The following IGDCC3 variants were observed in gnomAD, a reference collection of about 807,000 sequenced individuals.
The protein encoded by IGDCC3 is putative neuronal cell adhesion molecule.
In IGDCC3, 47 loss-of-function variants were observed where a neutral mutation model predicts 72.0. That is an observed-to-expected ratio of 0.65 (90% confidence interval 0.52 to 0.83). IGDCC3 has a LOEUF of 0.83. IGDCC3 is among the 40% of genes least tolerant of loss of function. The pLI is 0.00. For synonymous variants in IGDCC3, 477 were observed against 472.8 expected, an observed-to-expected ratio of 1.01 and a Z score of -0.11; for missense variants, 1,038 against 1,091.3, an observed-to-expected ratio of 0.95 and a Z score of 0.69.
intron 2 of IGDCC3, among the ~76,000 whole-genome samples, chr15:65,338,764 G>A (rs912873406): frequency 2.0e-5 from 3 of 152,168 alleles, no homozygotes; most frequent in African/African-American, 7.2e-5. Flanking sequence ...TGGATGAGTC[G>A]CTCTTCAGGG....
rs2090956954 is a variant in IGDCC3, at chr15:65,329,537, C to G, written c.2058G>C (p.Gln686His). The G allele has an allele frequency of 6.2e-7, 1 of 1,608,236 alleles. No homozygotes were observed. Among genetic ancestry groups the G allele is most frequent in the Admixed American group, 1.7e-5 (1 of 57,726 alleles). The stretch of plus-strand genomic sequence containing the variant: ...TTAGGGCTAGAATGCCAGGGTCCCT[C>G]TGGCTCCGGGGACCCTGTGGAGGGG... ...QLSPPQGPRS[Q>H]RDPGILALNG... Residue 686 changes from glutamine (Q) to histidine (H), a missense_variant, in exon 13 of 14, where the codon CAG (glutamine) becomes CAC (histidine). Gln to His is a conservative substitution (Grantham distance 24). Transcript: ENST00000327987. The surrounding 1 kb of genome is among the most constrained non-coding windows in gnomAD (Gnocchi z 4.1).
rs1435461721 is a variant in IGDCC3 at position 65,333,239 on chromosome 15, G to A, written c.982+18C>T. ...GCGGAGATCCCTGCCCTCCTCCTCA[G>A]GGTTGGCTGATCCATACCTTGCACC... is the stretch of plus-strand genomic sequence containing the variant. On this transcript the variant is annotated intron_variant, in intron 6 of 13. Transcript: ENST00000327987. The A allele has an allele frequency of 6.3e-7, 1 of 1,587,640 alleles. No homozygotes were observed. Among genetic ancestry groups the A allele is most frequent in the Non-Finnish European group, 8.6e-7 (1 of 1,166,828 alleles).
chr15:65,354,231 T>G (rs1480273764), intron 2 of IGDCC3, among the ~76,000 whole-genome samples: 1 of 152,166 alleles, frequency 6.6e-6, no homozygotes, highest in Non-Finnish European at 1.5e-5. Flanking sequence ...CTTAATAAAC[T>G]TTGCACTGCG....
chr15:65,377,621 C>A lies in IGDCC3; in HGVS notation c.103+65G>T. The A allele has an allele frequency of 7.4e-7, 1 of 1,345,490 alleles. No homozygotes were observed. The highest frequency in any genetic ancestry group is 1.9e-5 in the South Asian group (1 of 52,162). The allele number at this position is 1,345,490 out of a possible 1,614,324, so 83.3% of individuals were successfully genotyped here. A position where few individuals can be genotyped will look rare whatever the true frequency, so the allele number is the denominator to read the frequency against. ...CCCGGGTCCGCCCCTCGCGCCCGCT[C>A]CCTCCCTGCTCGCCCTTCCCCTGGC... On this transcript the variant is annotated intron_variant, in intron 1 of 13. Coordinates refer to ENST00000327987, the MANE Select transcript of IGDCC3 (RefSeq NM_004884.4). This position sits in a 1 kb window ranked among gnomAD's most constrained non-coding sequence, Gnocchi z 4.9.
At chr15:65,353,597 G>C (rs2091189544) in intron 2 of IGDCC3, among the ~76,000 whole-genome samples, 1 of 152,074 alleles carries the variant, frequency 6.6e-6, no homozygotes, top group Admixed American at 6.5e-5. Flanking sequence ...CAGATAAAAA[G>C]GTCAGCACAA....
In IGDCC3 at chr15:65,331,393, CAG is replaced by C; in HGVS notation, c.1396+17_1396+18del. ...AATAGTGAATTAGAGGAAGGGGCAA[CAG>C]AGCTGGCCACGCGCACCAGCAGCCT... On this transcript the variant is annotated intron_variant, in intron 8 of 13. Transcript: ENST00000327987. 1.9e-6 allele frequency: 3 copies of C among 1,588,852 alleles called. No individual in the cohort carries two copies. The highest frequency in any genetic ancestry group is 2.6e-6 in the Non-Finnish European group (3 of 1,165,286).
rs1470027501 is a variant in IGDCC3, at chr15:65,377,912, G to T, written c.-124C>A. ...CCGGCCGGGGCCGAGCCCAGGCGGT[G>T]GGGGACTGGGGCCGCATGCCTGCTC... On this transcript the variant is annotated 5_prime_UTR_variant, in exon 1 of 14. Transcript: ENST00000327987. The surrounding 1 kb of genome is among the most constrained non-coding windows in gnomAD (Gnocchi z 4.9). 4 of 904,868 alleles carry T rather than the reference G, an allele frequency of 4.4e-6. No individual in the cohort carries two copies. Among genetic ancestry groups the T allele is most frequent in the Admixed American group, 5.9e-5 (1 of 17,092 alleles). The allele number at this position is 904,868 out of a possible 1,614,324, so 56.1% of individuals were successfully genotyped here. A position where few individuals can be genotyped will look rare whatever the true frequency, so the allele number is the denominator to read the frequency against.
intron 2 of IGDCC3, among the ~76,000 whole-genome samples, chr15:65,337,103 T>TG (rs2091036809): frequency 6.6e-6 from 1 of 151,998 alleles, no homozygotes; most frequent in Non-Finnish European, 1.5e-5. Flanking sequence ...GTGGCCCCCA[T>TG]CCCCCATCTC....
chr15:65,361,355 T>C (rs2091259800), intron 2 of IGDCC3, among the ~76,000 whole-genome samples: 1 of 151,600 alleles, frequency 6.6e-6, no homozygotes. Flanking sequence ...GGTGGGAGGA[T>C]TGTTTGGGCC....
chr15:65,350,738 A>G (rs2091167138), intron 2 of IGDCC3, among the ~76,000 whole-genome samples: 1 of 152,216 alleles, frequency 6.6e-6, no homozygotes, highest in Admixed American at 6.5e-5. Flanking sequence ...CTGGGATTAC[A>G]GGCATGAGCC....
At chr15:65,344,227 G>A (rs1005036718) in intron 2 of IGDCC3, among the ~76,000 whole-genome samples, 4 of 152,080 alleles carry the variant, frequency 2.6e-5, no homozygotes, top group African/African-American at 9.7e-5. Flanking sequence ...ATAGCCTCAG[G>A]GGACTGTGGT....
At position 65,375,226 on chromosome 15, in the gene IGDCC3, C is replaced by T. The variant is rs780584742; in HGVS notation, c.280G>A (p.Gly94Arg). ...ESTHSTLLAN[G>R]SLMIRHFRLE... ...CTGAAGTGACGGATCATCAAGGACCCATTGGCCAGCAAGGTGGAGTGGGTA... is the reference window on the plus strand; with the variant it reads ...CTGAAGTGACGGATCATCAAGGACCTATTGGCCAGCAAGGTGGAGTGGGTA... Residue 94 changes from glycine to arginine, a missense_variant, in exon 2 of 14, where the codon GGG (glycine) becomes AGG (arginine). By Grantham distance (125) the Gly-to-Arg change is moderately radical. Transcript: ENST00000327987. 15 of 1,614,124 alleles carry T rather than the reference C, an allele frequency of 9.3e-6. No individual in the cohort carries two copies. In the Admixed American group the frequency reaches 2.5e-4, roughly 27 times the overall value.
rs1172327866 is a variant in IGDCC3 at position 65,328,788 on chromosome 15, CAGGAT to C, written c.*116_*120del. 3.2e-6 allele frequency: 4 copies of C among 1,269,322 alleles called. No individual in the cohort carries two copies. In the African/African-American group the frequency reaches 6.2e-5, roughly 20 times the overall value. The allele number at this position is 1,269,322 out of a possible 1,614,324, so 78.6% of individuals were successfully genotyped here. ...GGGTTTTGACAACCCAAGAGGCAGT[CAGGAT>C]AGAAATGCTGGGGAGCCCCCAGGAC... On this transcript the variant is annotated 3_prime_UTR_variant, in exon 14 of 14. Coordinates refer to ENST00000327987, the MANE Select transcript of IGDCC3 (RefSeq NM_004884.4).
intron 2 of IGDCC3, among the ~76,000 whole-genome samples, chr15:65,365,328 G>T (rs1451673117): frequency 6.6e-6 from 1 of 152,042 alleles, no homozygotes; most frequent in Non-Finnish European, 1.5e-5. Context: ...CCCACCCCAG[G>T]ACCCTGTGGC....
At chr15:65,355,650 C>CG in intron 2 of IGDCC3, 1 of 324,510 alleles carries the variant, frequency 3.1e-6, no homozygotes, top group African/African-American at 2.2e-5. Context: ...CCCGCCGACG[C>CG]GGGCGTCCCG....
At position 65,329,059 on chromosome 15, in the gene IGDCC3, C is replaced by T. The variant is rs533120958; in HGVS notation, c.2295G>A (p.Thr765=). 21 of 1,611,910 alleles carry T rather than the reference C, an allele frequency of 1.3e-5. No individual in the cohort carries two copies. Among genetic ancestry groups the T allele is most frequent in the East Asian group, 1.1e-4 (5 of 44,810 alleles). The part of the protein sequence containing the change: ...QGCGLMEGKT[T]EAKTTEATAP... ...CCGTGGCCTCTGTGGTCTTCGCCTC[C>T]GTCGTCTTCCCCTCCATCAGGCCGC... Residue 765 remains threonine (T), a synonymous_variant, in exon 14 of 14, where the codon ACG becomes ACA. Transcript: ENST00000327987. The surrounding 1 kb of genome is among the most constrained non-coding windows in gnomAD (Gnocchi z 4.1).
intron 2 of IGDCC3, among the ~76,000 whole-genome samples, chr15:65,373,082 T>C (rs2091336940): frequency 6.6e-6 from 1 of 152,134 alleles, no homozygotes; most frequent in South Asian, 2.1e-4. Context: ...CTTGAAGGTA[T>C]TACCATTTAT....
chr15:65,354,695 C>T, intron 2 of IGDCC3, among the ~76,000 whole-genome samples: 1 of 152,222 alleles, frequency 6.6e-6, no homozygotes, highest in African/African-American at 2.4e-5. Flanking sequence ...CTTAAACGGT[C>T]ATATGTTCTT....
rs1014344698 is a variant in IGDCC3, at chr15:65,327,573, T to C, written c.*1336A>G. ...AAATGTTTCTGAGTATAACCAAAAA[T>C]AGGTATTTGTTTCCTTGGTTTTCTT... On this transcript the variant is annotated 3_prime_UTR_variant, in exon 14 of 14. Transcript: ENST00000327987. 2.0e-5 allele frequency: 3 copies of C among 152,430 alleles called. No individual in the cohort carries two copies. Among genetic ancestry groups the C allele is most frequent in the African/African-American group, 7.2e-5 (3 of 41,468 alleles). 9.4% of individuals were successfully genotyped at this position (152,430 alleles called of 1,614,324 possible).
Sources: gnomAD v4.1 joint callset for allele counts (sites outside exome capture counted in the v4.1 genomes callset) on GRCh38, gnomAD v4.1.1 for gene constraint, Gnocchi (gnomAD v3.1) non-coding constraint, MANE v1.5 for transcripts, NCBI Gene and HGNC (gene_info 2026-07-23, HGNC 2026-07-21) for gene names.